The following PARG variants were observed in gnomAD, a reference collection of about 807,000 sequenced individuals.
PARG encodes the protein poly(ADP-ribose) glycohydrolase.
In PARG, 35 loss-of-function variants were observed where a neutral mutation model predicts 113.0. The observed-to-expected ratio is 0.31, with a 90% CI of 0.24 to 0.41. The LOEUF is 0.41. Among genes scored for constraint, PARG ranks in the 10% least tolerant of loss-of-function variants. The pLI is 1.00. For synonymous variants in PARG, 330 were observed against 409.9 expected (o/e 0.81, Z 2.36); for missense variants, 797 against 1,169.4 (o/e 0.68, Z 4.64).
chr10:49,927,955 T>C (rs1351078692), intron 4 of PARG, among the ~76,000 whole-genome samples: 3 of 141,776 alleles, frequency 2.1e-5, no homozygotes, highest in Non-Finnish European at 3.0e-5. Context: ...CGGAGTGAGA[T>C]CCTGTCTCTT....
At chr10:49,920,497 TACACACACACAC>T (rs1201395602) in intron 6 of PARG, among the ~76,000 whole-genome samples, 3 of 63,724 alleles carry the variant, frequency 4.7e-5, no homozygotes, top group Non-Finnish European at 9.6e-5. Context: ...TATATATATA[TACACACACACAC>T]ACATATATAT....
At chr10:49,929,749 C>G (rs1195012957) in intron 4 of PARG, among the ~76,000 whole-genome samples, 1 of 151,466 alleles carries the variant, frequency 6.6e-6, no homozygotes, top group Non-Finnish European at 1.5e-5. Context: ...TTGCTTGAAC[C>G]CGGGAGGTGG....
chr10:49,845,325 T>C (rs888094414), intron 13 of PARG, among the ~76,000 whole-genome samples: 4 of 152,198 alleles, frequency 2.6e-5, no homozygotes, highest in Non-Finnish European at 5.9e-5. Context: ...ACAATGTTCA[T>C]AGCAGGTTTC....
At chr10:49,915,767 G>A in intron 7 of PARG, 150 bp downstream of exon 7, 2 of 579,926 alleles carry the variant, frequency 3.4e-6, no homozygotes, top group Non-Finnish European at 6.3e-6. Flanking sequence ...ACTCCTAATT[G>A]TATTTACCTA....
At chr10:49,890,254 C>A (rs1847702064) in intron 7 of PARG, among the ~76,000 whole-genome samples, 1 of 152,106 alleles carries the variant, frequency 6.6e-6, no homozygotes, top group South Asian at 2.1e-4. Flanking sequence ...GTGTTTTGAT[C>A]TGTGCGTGTG....
chr10:49,932,899 C>T (rs1415727126), intron 3 of PARG, among the ~76,000 whole-genome samples: 2 of 151,508 alleles, frequency 1.3e-5, no homozygotes, highest in African/African-American at 2.4e-5. Flanking sequence ...TAGCTACTAT[C>T]AACCTAGTAT....
At chr10:49,898,011 C>CAAAAAAAACCCAAAAAAACAA (rs1588960127) in intron 7 of PARG, among the ~76,000 whole-genome samples, 2 of 151,902 alleles carry the variant, frequency 1.3e-5, no homozygotes, top group African/African-American at 4.8e-5. Flanking sequence ...CAAAAAAACA[C>CAAAAAAAACCCAAAAAAACAA]AAAGACATTG....
rs543915235 is a variant in PARG, at chr10:49,857,572, A to T, written c.2206-119T>A. 106 of 601,620 alleles carry T rather than the reference A, an allele frequency of 1.8e-4. 1 individual carries two copies. In the Middle Eastern group the frequency reaches 1.8e-3, roughly 10 times the overall value. The allele number at this position is 601,620 out of a possible 1,614,324, so 37.3% of individuals were successfully genotyped here. Reference sequence around the variant, plus strand: ...TCCCATGAAAATCAATCCCCAAATAAGTAATCTTCCCAGGAAGGGCAGATT... The same window carrying T: ...TCCCATGAAAATCAATCCCCAAATATGTAATCTTCCCAGGAAGGGCAGATT... On this transcript the variant is annotated intron_variant, in intron 12 of 17. Transcript: ENST00000616448.
intron 7 of PARG, among the ~76,000 whole-genome samples, chr10:49,906,862 G>A (rs1554845133): frequency 6.6e-6 from 1 of 152,064 alleles, no homozygotes; most frequent in East Asian, 1.9e-4. Context: ...AGATAGAAGT[G>A]TCCAAGAGAA....
At chr10:49,894,992 C>T (rs1331184838) in intron 7 of PARG, among the ~76,000 whole-genome samples, 1 of 152,074 alleles carries the variant, frequency 6.6e-6, no homozygotes, top group Non-Finnish European at 1.5e-5. Context: ...TCTCTAACTC[C>T]ATCATCATAT....
At chr10:49,845,874 G>C (rs1845480566) in intron 13 of PARG, among the ~76,000 whole-genome samples, 2 of 151,840 alleles carry the variant, frequency 1.3e-5, no homozygotes, top group Non-Finnish European at 2.9e-5. Flanking sequence ...TCCAGCCTGG[G>C]CAACAGAGTG....
chr10:49,827,226 A>G (rs1844404502), intron 16 of PARG, among the ~76,000 whole-genome samples: 1 of 152,248 alleles, frequency 6.6e-6, no homozygotes, highest in South Asian at 2.1e-4. Context: ...GCAAAGCCCA[A>G]GATTAATTAA....
At chr10:49,939,603 CATTA>C (rs1407991435) in intron 1 of PARG, among the ~76,000 whole-genome samples, 5 of 152,148 alleles carry the variant, frequency 3.3e-5, no homozygotes, top group Non-Finnish European at 7.4e-5. Context: ...GTGGTTTCTC[CATTA>C]ACCACAGAAT....
chr10:49,908,039 A>G (rs546129366), intron 7 of PARG, among the ~76,000 whole-genome samples: 113 of 152,328 alleles, frequency 7.4e-4, no homozygotes, highest in Non-Finnish European at 1.1e-3. Flanking sequence ...TTCAGTATCT[A>G]TAACTTCTAA....
chr10:49,920,463 A>AAAAAAAAAAAAAATAT (rs1431747248), intron 6 of PARG, among the ~76,000 whole-genome samples: 1 of 47,986 alleles, frequency 2.1e-5, no homozygotes. Flanking sequence ...AAAAAAAAAA[A>AAAAAAAAAAAAAATAT]ATATATATAT....
chr10:49,929,013 T>C (rs1838356063), intron 4 of PARG, among the ~76,000 whole-genome samples: 1 of 152,212 alleles, frequency 6.6e-6, no homozygotes, highest in Middle Eastern at 3.2e-3. Flanking sequence ...CATATAATAG[T>C]TGTGTATTTT....
At chr10:49,883,480 A>G (rs1376666049) in intron 8 of PARG, among the ~76,000 whole-genome samples, 1 of 149,416 alleles carries the variant, frequency 6.7e-6, no homozygotes, top group East Asian at 2.0e-4. Context: ...AAATACGTTC[A>G]CAAATTCTTT....
At chr10:49,819,617 C>T (rs1843967707) in intron 17 of PARG, 123 bp from the exon 18 acceptor site, 2 of 692,304 alleles carry the variant, frequency 2.9e-6, no homozygotes, top group Non-Finnish European at 4.9e-6. Flanking sequence ...TTTGAAAATA[C>T]AGCATGAATT....
At position 49,926,641 on chromosome 10, in the gene PARG, T is replaced by C. The variant is rs1273420933; in HGVS notation, c.1456-3972A>G. Among the ~76,000 whole-genome samples the C allele has an allele frequency of 5.3e-5, 8 of 152,316 alleles. No homozygotes were observed. In the South Asian group the frequency reaches 1.4e-3, roughly 28 times the overall value. On this transcript the variant is annotated intron_variant, in intron 4 of 17. Coordinates refer to ENST00000616448, the MANE Select transcript of PARG (RefSeq NM_003631.5). ...CACATGCCAAACCTTAACATTCCTT[T>C]CTGCTGATCCCAAGTTTCTAGGCAA... is the stretch of plus-strand genomic sequence containing the variant.
Sources: allele counts gnomAD v4.1 joint callset (sites outside exome capture counted in the v4.1 genomes callset), GRCh38; gene constraint gnomAD v4.1.1; transcripts MANE v1.5; gene names NCBI Gene and HGNC (gene_info 2026-07-23, HGNC 2026-07-21).